THADA: variants seen among roughly 807,000 people sequenced by gnomAD.
THADA encodes the protein THADA armadillo repeat containing, also known as tRNA (32-2'-O)-methyltransferase regulator THADA.
Under a neutral mutation model 219.8 loss-of-function variants are expected in THADA, and 213 were observed. That is an observed-to-expected ratio of 0.97 (90% CI 0.87 to 1.09). The LOEUF (loss-of-function observed/expected upper bound fraction) is 1.09. Among genes scored for constraint, THADA ranks in the 50% least tolerant of loss-of-function variants. The pLI, the probability that THADA is intolerant of heterozygous loss-of-function variation, is 0.00. For synonymous variants in THADA, 1,018 were observed against 828.9 expected, an observed-to-expected ratio of 1.23 and a Z score of -3.92; for missense variants, 2,956 against 2,311.3, an observed-to-expected ratio of 1.28 and a Z score of -5.72.
chr2:43,310,673 A>T (rs1429413926), intron 31 of THADA, among the ~76,000 whole-genome samples: 2 of 152,252 alleles, frequency 1.3e-5, no homozygotes, highest in Non-Finnish European at 2.9e-5. Context: ...GTGACTTTGG[A>T]TTAGGCAATT....
At chr2:43,261,311 C>T (rs893159232) in intron 36 of THADA, among the ~76,000 whole-genome samples, 11 of 149,786 alleles carry the variant, frequency 7.3e-5, no homozygotes, top group African/African-American at 2.5e-4. Flanking sequence ...GCAACTTCCA[C>T]CTCCTGGGTT....
chr2:43,285,192 T>A (rs557698156), intron 35 of THADA, among the ~76,000 whole-genome samples: 1 of 152,230 alleles, frequency 6.6e-6, no homozygotes, highest in Admixed American at 6.5e-5. Flanking sequence ...TATTTTGCAA[T>A]GTGAGAAGGA....
chr2:43,377,121 T>G (rs922239990), intron 29 of THADA, among the ~76,000 whole-genome samples: 6 of 151,602 alleles, frequency 4.0e-5, no homozygotes, highest in African/African-American at 1.5e-4. Flanking sequence ...CTGTGGGGAG[T>G]TGGGATAAAC....
intron 36 of THADA, among the ~76,000 whole-genome samples, chr2:43,278,883 T>C (rs1293741363): frequency 2.0e-5 from 3 of 152,208 alleles, no homozygotes; most frequent in Non-Finnish European, 4.4e-5. Context: ...CTGCTGTCTA[T>C]TAAGGTGAAC....
chr2:43,366,484 A>C (rs1417094226), intron 29 of THADA, among the ~76,000 whole-genome samples: 1 of 152,220 alleles, frequency 6.6e-6, no homozygotes, highest in African/African-American at 2.4e-5. Flanking sequence ...ATTCAGTGAA[A>C]AAAGCAGAAT....
At chr2:43,517,511 C>G (rs1691875866) in intron 22 of THADA, among the ~76,000 whole-genome samples, 1 of 152,096 alleles carries the variant, frequency 6.6e-6, no homozygotes, top group Non-Finnish European at 1.5e-5. Flanking sequence ...CTTTCCCTTT[C>G]CCATAAACAC....
chr2:43,567,879 T>G (rs1698865326), intron 14 of THADA, among the ~76,000 whole-genome samples: 1 of 152,222 alleles, frequency 6.6e-6, no homozygotes, highest in African/African-American at 2.4e-5. Context: ...AAGCTATCCA[T>G]TTTCAACTTG....
chr2:43,278,027 T>G (rs902424837), intron 36 of THADA, among the ~76,000 whole-genome samples: 1 of 150,578 alleles, frequency 6.6e-6, no homozygotes, highest in Admixed American at 6.7e-5. Flanking sequence ...CTCAGCTCAC[T>G]GCGACCTATG....
chr2:43,330,224 C>A (rs13384080), intron 30 of THADA, among the ~76,000 whole-genome samples: 1 of 152,056 alleles, frequency 6.6e-6, no homozygotes, highest in Non-Finnish European at 1.5e-5. Flanking sequence ...GCAGAGCCTG[C>A]GGACTGGTGA....
chr2:43,339,305 G>C (rs1224212990), intron 30 of THADA, among the ~76,000 whole-genome samples: 1 of 152,218 alleles, frequency 6.6e-6, no homozygotes, highest in African/African-American at 2.4e-5. Flanking sequence ...TCTTGAGACA[G>C]AGTCTTTCTC....
intron 26 of THADA, among the ~76,000 whole-genome samples, chr2:43,446,351 C>T (rs1328383956): frequency 6.6e-6 from 1 of 152,164 alleles, no homozygotes; most frequent in African/African-American, 2.4e-5. Context: ...TCATGACTTG[C>T]TTTGATCAGG....
intron 35 of THADA, among the ~76,000 whole-genome samples, chr2:43,282,396 G>T (rs1310899408): frequency 1.3e-5 from 2 of 152,192 alleles, no homozygotes; most frequent in Non-Finnish European, 2.9e-5. Flanking sequence ...TACAGGGACA[G>T]GAGACCCTTT....
intron 26 of THADA, among the ~76,000 whole-genome samples, chr2:43,447,876 G>T (rs1173507745): frequency 2.0e-5 from 3 of 151,950 alleles, no homozygotes; most frequent in Non-Finnish European, 4.4e-5. Flanking sequence ...AAACCACTCT[G>T]GTCTTTGCAT....
At chr2:43,313,704 C>T (rs906708691) in intron 31 of THADA, among the ~76,000 whole-genome samples, 5 of 152,192 alleles carry the variant, frequency 3.3e-5, no homozygotes, top group African/African-American at 9.6e-5. Context: ...AAGCCTGTGA[C>T]GTGGAAGCTC....
intron 26 of THADA, among the ~76,000 whole-genome samples, chr2:43,445,388 C>T (rs568855795): frequency 1.3e-5 from 2 of 152,208 alleles, no homozygotes; most frequent in East Asian, 1.9e-4. Flanking sequence ...CCAATCCCTA[C>T]CTCAGACTGG....
chr2:43,593,630 C>CTTTT (rs764094980), intron 1 of THADA, among the ~76,000 whole-genome samples: 21 of 127,658 alleles, frequency 1.6e-4, no homozygotes, highest in African/African-American at 2.8e-4. Flanking sequence ...CTACTACAGA[C>CTTTT]TTTTTTTTTT....
intron 26 of THADA, among the ~76,000 whole-genome samples, chr2:43,446,727 C>T (rs1681612098): frequency 6.6e-6 from 1 of 152,194 alleles, no homozygotes; most frequent in Admixed American, 6.5e-5. Flanking sequence ...AGTTATAATA[C>T]TGAAGGCAAT....
chr2:43,387,486 C>A (rs1442556015), intron 29 of THADA, among the ~76,000 whole-genome samples: 1 of 151,914 alleles, frequency 6.6e-6, no homozygotes, highest in Non-Finnish European at 1.5e-5. Context: ...AATGCCTATG[C>A]ACAGCTCACT....
rs1339011092 is a variant in THADA, at chr2:43,586,452, G to A, written c.485-3C>T. The A allele has an allele frequency of 1.3e-6, 2 of 1,561,522 alleles. No individual in the cohort carries two copies. The highest frequency in any genetic ancestry group is 2.0e-5 in the Admixed American group (1 of 49,976). On this transcript the variant is annotated splice_polypyrimidine_tract_variant and splice_region_variant and intron_variant, in intron 6 of 37. Coordinates refer to ENST00000405975, the MANE Select transcript of THADA (RefSeq NM_022065.5). The stretch of plus-strand genomic sequence containing the variant: ...ACTCTTCTGCAGAAAATGAAGCACT[G>A]AAACAAAAAGAATATGACAAATAAG...
Sources: gnomAD v4.1 joint callset for allele counts (sites outside exome capture counted in the v4.1 genomes callset) on GRCh38, gnomAD v4.1.1 for gene constraint, MANE v1.5 for transcripts, NCBI Gene and HGNC (gene_info 2026-07-23, HGNC 2026-07-21) for gene names.